DCHS2: variants seen among roughly 807,000 people sequenced by gnomAD.
DCHS2 encodes dachsous cadherin-related 2, also known as protocadherin-23.
Under a neutral mutation model 182.4 loss-of-function variants are expected in DCHS2, and 142 were observed. The observed-to-expected ratio is 0.78, with a 90% CI of 0.68 to 0.89. DCHS2 has a LOEUF of 0.89. DCHS2 is among the 40% of genes least tolerant of loss of function. The pLI, the probability that DCHS2 is intolerant of heterozygous loss-of-function variation, is 0.00. For missense variants in DCHS2, 4,319 were observed against 4,198.6 expected (o/e 1.03, Z -0.79); for synonymous variants, 1,740 against 1,663.3 (o/e 1.05, Z -1.12).
intron 13 of DCHS2, among the ~76,000 whole-genome samples, chr4:154,296,330 G>A (rs957992440): frequency 3.9e-5 from 6 of 152,162 alleles, no homozygotes; most frequent in East Asian, 1.9e-4. Context: ...AATGCGAGGG[G>A]TGGAGGGGTA....
At chr4:154,314,501 C>T (rs79006272) in intron 10 of DCHS2, among the ~76,000 whole-genome samples, 5,708 of 152,062 alleles carry the variant, frequency 0.038, 145 homozygotes, top group Non-Finnish European at 0.058. Flanking sequence ...TTGGGTTAGC[C>T]CTTGAAAAGA....
At chr4:154,340,585 G>A (rs1349669917) in intron 3 of DCHS2, among the ~76,000 whole-genome samples, 1 of 152,208 alleles carries the variant, frequency 6.6e-6, no homozygotes, top group Non-Finnish European at 1.5e-5. Flanking sequence ...ACAATGGGGA[G>A]CAAGAAGCAA....
At chr4:154,488,094 C>G (rs1728653725) in intron 1 of DCHS2, among the ~76,000 whole-genome samples, 2 of 152,168 alleles carry the variant, frequency 1.3e-5, no homozygotes. Context: ...GGGAGAATCA[C>G]TTTACCCTGG....
intron 13 of DCHS2, among the ~76,000 whole-genome samples, chr4:154,275,569 G>A (rs1285747031): frequency 6.6e-6 from 1 of 152,016 alleles, no homozygotes; most frequent in Non-Finnish European, 1.5e-5. Context: ...GTAGGAATAT[G>A]CCTTTACAGT....
At chr4:154,486,994 G>A (rs984488428) in intron 1 of DCHS2, among the ~76,000 whole-genome samples, 2 of 152,152 alleles carry the variant, frequency 1.3e-5, no homozygotes, top group Non-Finnish European at 1.5e-5. Context: ...ACCACATATG[G>A]AGTTGTAACA....
At chr4:154,302,196 C>G (rs944175325) in intron 12 of DCHS2, among the ~76,000 whole-genome samples, 2 of 152,066 alleles carry the variant, frequency 1.3e-5, no homozygotes, top group Non-Finnish European at 2.9e-5. Flanking sequence ...ACTGAAAATG[C>G]TCATTCATAC....
intron 15 of DCHS2, among the ~76,000 whole-genome samples, chr4:154,258,831 C>T (rs1420959332): frequency 6.6e-6 from 1 of 152,142 alleles, no homozygotes; most frequent in Non-Finnish European, 1.5e-5. Context: ...CCATGACATT[C>T]CAGGGGCCAA....
intron 3 of DCHS2, chr4:154,355,783 G>T (rs1423331948): frequency 6.6e-6 from 1 of 151,948 alleles, no homozygotes; most frequent in Non-Finnish European, 1.5e-5. Flanking sequence ...TAGTCCTAAT[G>T]TCATAATGTA....
chr4:154,285,327 C>T (rs898070343), intron 13 of DCHS2, among the ~76,000 whole-genome samples: 3 of 151,754 alleles, frequency 2.0e-5, no homozygotes, highest in Admixed American at 2.0e-4. Flanking sequence ...TGGGGAGAGA[C>T]CCTTTCTGCT....
Position 154,444,722 on chromosome 4 carries a change from A to G in DCHS2, c.2052+44582T>C, listed in dbSNP as rs144760744. 9.8e-5 allele frequency among the ~76,000 whole-genome samples: 15 copies of G among 152,298 alleles called. No individual in the cohort carries two copies. The East Asian group carries it at 1.3e-3, about 14-fold the overall frequency. ...AGATCATGTCACTTTGCTGGTTTCA[A>G]AAGCCTTCACTCACTTTCCTCCACA... On this transcript the variant is annotated intron_variant, in intron 1 of 19. Coordinates refer to ENST00000357232, the MANE Select transcript of DCHS2 (RefSeq NM_001358235.2).
chr4:154,354,012 C>T (rs1024729862), intron 3 of DCHS2, among the ~76,000 whole-genome samples: 5 of 152,092 alleles, frequency 3.3e-5, no homozygotes, highest in Admixed American at 1.3e-4. Flanking sequence ...CTGCACCCTC[C>T]GCGTCCTGGG....
chr4:154,354,299 T>C (rs546009330), intron 3 of DCHS2, among the ~76,000 whole-genome samples: 1 of 152,380 alleles, frequency 6.6e-6, no homozygotes, highest in Non-Finnish European at 1.5e-5. Flanking sequence ...TAGTTGTTAA[T>C]ACTTTATTTT....
chr4:154,252,005 A>T (rs922218428), intron 16 of DCHS2, among the ~76,000 whole-genome samples: 292 of 152,298 alleles, frequency 1.9e-3, no homozygotes, highest in Middle Eastern at 3.4e-3. Flanking sequence ...GAAAACTAAA[A>T]ATTATTTAAT....
chr4:154,470,482 T>A (rs1735415685), intron 1 of DCHS2, among the ~76,000 whole-genome samples: 2 of 44,878 alleles, frequency 4.5e-5, no homozygotes, highest in Non-Finnish European at 9.2e-5. Context: ...AGCAAGACCC[T>A]GTCTCAAAAA....
intron 2 of DCHS2, among the ~76,000 whole-genome samples, chr4:154,366,652 C>G (rs1356374432): frequency 3.3e-5 from 5 of 152,016 alleles, no homozygotes; most frequent in African/African-American, 1.2e-4. Context: ...CACACACACA[C>G]AGACACACAC....
chr4:154,403,146 C>G (rs1732260149), intron 1 of DCHS2, among the ~76,000 whole-genome samples: 1 of 151,902 alleles, frequency 6.6e-6, no homozygotes, highest in African/African-American at 2.4e-5. Flanking sequence ...AATATTTTGC[C>G]TTTTATTTCT....
intron 1 of DCHS2, among the ~76,000 whole-genome samples, chr4:154,479,171 A>G (rs4696585): frequency 0.53 from 79,890 of 151,964 alleles, 21,510 homozygotes; most frequent in East Asian, 0.84. Context: ...AGTGAAAAAT[A>G]TAATAAATTA....
chr4:154,463,997 A>G (rs1341502930), intron 1 of DCHS2, among the ~76,000 whole-genome samples: 1 of 152,232 alleles, frequency 6.6e-6, no homozygotes, highest in Non-Finnish European at 1.5e-5. Flanking sequence ...TACCCAAGTA[A>G]CATCAAAATA....
chr4:154,490,791 G>T lies in DCHS2; in HGVS notation c.565C>A (p.Pro189Thr). Residue 189 changes from proline to threonine, a missense_variant, in exon 1 of 20, where the codon CCA becomes ACA. By Grantham distance (38) the Pro-to-Thr change is conservative. Coordinates refer to ENST00000357232, the MANE Select transcript of DCHS2 (RefSeq NM_001358235.2). ...CCGGCGTCCGGATCGTGGGCAACTG[G>T]CAGGCGGAAGGCGGTCCCTGGCGGG... ...LSPPGTAFRL[P>T]VAHDPDAGLF... is the part of the protein sequence containing the mutation. 1 of 1,551,590 alleles carries T rather than the reference G, an allele frequency of 6.4e-7. No individual in the cohort carries two copies. Among genetic ancestry groups the T allele is most frequent in the Non-Finnish European group, 8.7e-7 (1 of 1,146,898 alleles).
Sources: gnomAD v4.1 joint callset for allele counts (sites outside exome capture counted in the v4.1 genomes callset) on GRCh38, gnomAD v4.1.1 for gene constraint, MANE v1.5 for transcripts, NCBI Gene and HGNC (gene_info 2026-07-23, HGNC 2026-07-21) for gene names.